Variants in DPP10 observed in about 807,000 individuals in gnomAD.
DPP10 encodes the protein inactive dipeptidyl peptidase 10.
DPP10 carries 33 observed loss-of-function variants against 120.9 expected under a neutral mutation model. That is an observed-to-expected ratio of 0.27 (90% CI 0.21 to 0.37). DPP10 has a LOEUF of 0.37. DPP10 is among the 10% of genes least tolerant of loss of function. The pLI is 1.00. For synonymous variants in DPP10, 337 were observed against 326.1 expected (o/e 1.03, Z -0.36); for missense variants, 816 against 942.8 (o/e 0.87, Z 1.76).
chr2:114,917,430 T>A (rs1299290135), intron 1 of DPP10, among the ~76,000 whole-genome samples: 2 of 152,258 alleles, frequency 1.3e-5, no homozygotes, highest in East Asian at 3.9e-4. Flanking sequence ...CCTATCAAAC[T>A]ACCAATGTCA....
At chr2:114,673,423 T>A (rs1698475901) in intron 1 of DPP10, among the ~76,000 whole-genome samples, 1 of 152,112 alleles carries the variant, frequency 6.6e-6, no homozygotes, top group South Asian at 2.1e-4. Context: ...TATTACCTTT[T>A]TCTTTTTTCT....
chr2:115,175,554 G>T (rs915944425), intron 1 of DPP10, among the ~76,000 whole-genome samples: 1 of 152,186 alleles, frequency 6.6e-6, no homozygotes, highest in Non-Finnish European at 1.5e-5. Context: ...GAGTACTTCT[G>T]TGCAGTGTAA....
At chr2:114,682,744 A>C (rs992631700) in intron 1 of DPP10, among the ~76,000 whole-genome samples, 1 of 149,612 alleles carries the variant, frequency 6.7e-6, no homozygotes, top group East Asian at 2.0e-4. Flanking sequence ...GTAAGATTTT[A>C]TATCTATCTA....
chr2:115,166,880 A>G (rs1445613479), intron 1 of DPP10, among the ~76,000 whole-genome samples: 1 of 152,160 alleles, frequency 6.6e-6, no homozygotes, highest in Non-Finnish European at 1.5e-5. Flanking sequence ...AGAATGTCTT[A>G]AGCTTTACTA....
rs184599153 is a variant in DPP10, at chr2:115,076,691, G to C, written c.61-232548G>C. 3.3e-5 allele frequency among the ~76,000 whole-genome samples: 5 copies of C among 152,098 alleles called. No individual in the cohort carries two copies. In the East Asian group the frequency reaches 7.7e-4, roughly 24 times the overall value. On this transcript the variant is annotated intron_variant, in intron 1 of 25. Coordinates refer to ENST00000410059, the MANE Select transcript of DPP10 (RefSeq NM_020868.6). ...GGTAAAGGTTACTAATTCATTCCAA[G>C]TTCTACATCATATTATTCCATTTAC... is the stretch of plus-strand genomic sequence containing the variant.
intron 1 of DPP10, among the ~76,000 whole-genome samples, chr2:114,638,921 G>T (rs1233288308): frequency 6.6e-6 from 1 of 151,640 alleles, no homozygotes; most frequent in Non-Finnish European, 1.5e-5. Flanking sequence ...ATGAAAATAT[G>T]GTAAATATAT....
chr2:114,798,113 C>T (rs903632433), intron 1 of DPP10, among the ~76,000 whole-genome samples: 3 of 152,062 alleles, frequency 2.0e-5, no homozygotes, highest in Non-Finnish European at 2.9e-5. Flanking sequence ...GTCAAGGTCC[C>T]GAAACCACTG....
intron 17 of DPP10, among the ~76,000 whole-genome samples, chr2:115,785,418 T>C (rs1683220185): frequency 6.6e-6 from 1 of 152,206 alleles, no homozygotes; most frequent in Non-Finnish European, 1.5e-5. Flanking sequence ...TAGTAGCAGC[T>C]CTTCTTTATA....
intron 5 of DPP10, among the ~76,000 whole-genome samples, chr2:115,541,211 G>A (rs2079151624): frequency 6.6e-6 from 1 of 151,778 alleles, no homozygotes; most frequent in Admixed American, 6.6e-5. Context: ...TCAGAAAAAT[G>A]TTCCAAATTA....
At chr2:114,964,647 A>C (rs1244074722) in intron 1 of DPP10, among the ~76,000 whole-genome samples, 1 of 152,182 alleles carries the variant, frequency 6.6e-6, no homozygotes, top group Non-Finnish European at 1.5e-5. Flanking sequence ...CAGAATCTCC[A>C]AGGGGAGCTA....
At chr2:115,133,304 A>G (rs2104801681) in intron 1 of DPP10, among the ~76,000 whole-genome samples, 1 of 151,034 alleles carries the variant, frequency 6.6e-6, no homozygotes, top group African/African-American at 2.4e-5. Context: ...TCTAAAACAA[A>G]AAGCAAAAAA....
intron 1 of DPP10, among the ~76,000 whole-genome samples, chr2:114,658,254 A>T (rs1697111724): frequency 6.6e-6 from 1 of 152,180 alleles, no homozygotes; most frequent in South Asian, 2.1e-4. Context: ...ATGGAGATAA[A>T]GGATATTTGA....
At chr2:114,918,873 A>C (rs1196392491) in intron 1 of DPP10, among the ~76,000 whole-genome samples, 1 of 152,092 alleles carries the variant, frequency 6.6e-6, no homozygotes, top group Non-Finnish European at 1.5e-5. Flanking sequence ...TGATGAAATC[A>C]TTTGTACACC....
chr2:115,049,507 G>A (rs1705311365), intron 1 of DPP10, among the ~76,000 whole-genome samples: 1 of 152,132 alleles, frequency 6.6e-6, no homozygotes, highest in African/African-American at 2.4e-5. Flanking sequence ...ATAGTTATGG[G>A]AACTGAGGCA....
Position 115,842,298 on chromosome 2 carries a change from A to C in DPP10, c.2344A>C (p.Lys782Gln), listed in dbSNP as rs201454161. 1.1e-5 allele frequency: 18 copies of C among 1,613,926 alleles called. No individual in the cohort carries two copies. Among genetic ancestry groups the C allele is most frequent in the Non-Finnish European group, 1.5e-5 (18 of 1,179,944 alleles). Residue 782 changes from lysine (K) to glutamine (Q), a missense_variant, in exon 26 of 26, where the codon AAG becomes CAG. Lys to Gln is a moderately conservative substitution (Grantham distance 53, BLOSUM62 1). Coordinates refer to ENST00000410059, the MANE Select transcript of DPP10 (RefSeq NM_020868.6). Reference sequence around the variant, plus strand: ...CCTCAAATTCTTCAGTGATTGTTTGAAGGAAGAAATATCTGTGCTACCACA... The same window carrying C: ...CCTCAAATTCTTCAGTGATTGTTTGCAGGAAGAAATATCTGTGCTACCACA... ...TILKFFSDCLKEEISVLPQEP... is the reference protein window; with the variant it reads ...TILKFFSDCLQEEISVLPQEP...
At position 115,133,161 on chromosome 2, in the gene DPP10, A is replaced by G. The variant is rs1296973278; in HGVS notation, c.61-176078A>G. On this transcript the variant is annotated intron_variant, in intron 1 of 25. Transcript: ENST00000410059. ...TGTGTGTGTGTATATATATATATATATATATATATATATATAGTTTTTTTT... is the reference window on the plus strand; with the variant it reads ...TGTGTGTGTGTATATATATATATATGTATATATATATATATAGTTTTTTTT... Among the ~76,000 whole-genome samples the G allele has an allele frequency of 5.8e-4, 75 of 128,214 alleles. 2 individuals are homozygous for G. Among genetic ancestry groups the G allele is most frequent in the African/African-American group, 2.2e-3 (71 of 32,614 alleles). The allele number at this position is 128,214 out of a possible 152,430, so 84.1% of individuals were successfully genotyped here.
chr2:115,625,762 C>T (rs574964971), intron 5 of DPP10, among the ~76,000 whole-genome samples: 1 of 152,122 alleles, frequency 6.6e-6, no homozygotes, highest in African/African-American at 2.4e-5. Flanking sequence ...ATATTGAAAA[C>T]TACCTAAGGT....
At chr2:115,445,196 A>G (rs2072460984) in intron 3 of DPP10, among the ~76,000 whole-genome samples, 1 of 152,176 alleles carries the variant, frequency 6.6e-6, no homozygotes, top group Non-Finnish European at 1.5e-5. Context: ...AGTCAATTAA[A>G]TCTCTTTCCT....
rs566922792 is a variant in DPP10 at position 115,349,447 on chromosome 2, G to T, written c.271+5535G>T. 2.0e-5 allele frequency among the ~76,000 whole-genome samples: 3 copies of T among 152,086 alleles called. No homozygotes were observed. The South Asian group carries it at 6.2e-4, about 32-fold the overall frequency. On this transcript the variant is annotated intron_variant, in intron 3 of 25. Transcript: ENST00000410059. ...AATATGTAAAAAGTGAAGATAAAAG[G>T]TAAAAGTTAAAAAAAGAAAAGAAAA...
Sources: gnomAD v4.1 joint callset for allele counts (sites outside exome capture counted in the v4.1 genomes callset) on GRCh38, gnomAD v4.1.1 for gene constraint, MANE v1.5 for transcripts, NCBI Gene and HGNC (gene_info 2026-07-23, HGNC 2026-07-21) for gene names.